Variants in PNPT1 observed in about 807,000 individuals in gnomAD.
PNPT1 encodes the protein polyribonucleotide nucleotidyltransferase 1, mitochondrial.
In PNPT1, 53 loss-of-function variants were observed where a neutral mutation model predicts 119.5. The ratio of observed to expected loss-of-function variants is 0.44; its 90% CI spans 0.36 to 0.56. The LOEUF (loss-of-function observed/expected upper bound fraction) is 0.56, where lower values mean the gene tolerates loss of function less well. Among genes scored for constraint, PNPT1 ranks in the 20% least tolerant of loss-of-function variants. The pLI is 0.00. For missense variants in PNPT1, 948 were observed against 938.5 expected, an observed-to-expected ratio of 1.01 and a Z score of -0.13; for synonymous variants, 357 against 322.1, an observed-to-expected ratio of 1.11 and a Z score of -1.16.
chr2:55,644,610 A>C, intron 23 of PNPT1, 27 bp downstream of exon 23: 1 of 1,542,596 alleles, frequency 6.5e-7, no homozygotes, highest in Non-Finnish European at 8.9e-7. Context: ...TTTAATTAAA[A>C]AACCCCAAAC....
chr2:55,646,806 T>TTAC (rs1313919836), intron 19 of PNPT1, among the ~76,000 whole-genome samples: 1 of 152,180 alleles, frequency 6.6e-6, no homozygotes, highest in Non-Finnish European at 1.5e-5. Context: ...AGGGTAAGTA[T>TTAC]TACTATTTTT....
rs768510266 is a variant in PNPT1 at position 55,686,435 on chromosome 2, T to C, written c.232A>G (p.Thr78Ala). 36 of 1,613,178 alleles carry C rather than the reference T, an allele frequency of 2.2e-5. No homozygotes were observed. The South Asian group carries it at 3.2e-4, about 14-fold the overall frequency. ...CTGACCGCTGTGACCATTACTGCAG[T>C]GTCACCTGACTTAAACATAAAGAAC... ...DGSAVVQSGD[T>A]AVMVTAVSKT... The change falls in exon 3 of 28, where the codon ACT becomes GCT. Residue 78 changes from threonine (T) to alanine (A), a missense_variant. Transcript: ENST00000447944.
chr2:55,649,818 C>A (rs1229102527), intron 18 of PNPT1, among the ~76,000 whole-genome samples: 1 of 152,178 alleles, frequency 6.6e-6, no homozygotes, highest in Non-Finnish European at 1.5e-5. Flanking sequence ...TTATTAAAGT[C>A]TATTTAATCC....
In PNPT1 at chr2:55,643,516, G is replaced by T. The variant is rs551154906; in HGVS notation, c.1907-91C>A. The T allele has an allele frequency of 1.6e-5, 18 of 1,109,810 alleles. No homozygotes were observed. In the East Asian group the frequency reaches 3.9e-4, roughly 24 times the overall value. 68.7% of individuals were successfully genotyped at this position (1,109,810 alleles called of 1,614,324 possible). ...TCCCAGCACTCTGGGGGGCTGAGGT[G>T]GGAGGATCACTTGAGCTCAGGAGTT... On this transcript the variant is annotated intron_variant, in intron 23 of 27. Coordinates refer to ENST00000447944, the MANE Select transcript of PNPT1 (RefSeq NM_033109.5).
intron 13 of PNPT1, among the ~76,000 whole-genome samples, chr2:55,663,097 T>G (rs1271672012): frequency 2.6e-5 from 4 of 151,910 alleles, no homozygotes; most frequent in Non-Finnish European, 5.9e-5. Context: ...TGTTAGCCAG[T>G]ATGGTCTCGA....
intron 1 of PNPT1, among the ~76,000 whole-genome samples, chr2:55,692,013 G>A (rs1697635102): frequency 6.7e-6 from 1 of 150,240 alleles, no homozygotes; most frequent in Non-Finnish European, 1.5e-5. Context: ...AGCCTCCCAG[G>A]TAAATGGAAT....
chr2:55,638,692 G>A (rs987929628), intron 26 of PNPT1, among the ~76,000 whole-genome samples: 1 of 152,048 alleles, frequency 6.6e-6, no homozygotes, highest in Non-Finnish European at 1.5e-5. Flanking sequence ...ACATTCCAAT[G>A]AGTATCCCTT....
At chr2:55,676,394 T>C (rs1358879342) in intron 8 of PNPT1, among the ~76,000 whole-genome samples, 1 of 152,144 alleles carries the variant, frequency 6.6e-6, no homozygotes, top group Non-Finnish European at 1.5e-5. Flanking sequence ...AACATGTTAC[T>C]GGTATACTTT....
At chr2:55,683,286 C>G (rs966258639) in intron 5 of PNPT1, among the ~76,000 whole-genome samples, 9 of 152,132 alleles carry the variant, frequency 5.9e-5, no homozygotes, top group Non-Finnish European at 1.3e-4. Context: ...GGTGTCAACT[C>G]AAACAGACAC....
At chr2:55,659,399 CT>C (rs547173739) in intron 15 of PNPT1, among the ~76,000 whole-genome samples, 33 of 152,296 alleles carry the variant, frequency 2.2e-4, no homozygotes, top group Middle Eastern at 3.4e-3. Context: ...AACGTCTCAT[CT>C]TTTACTACTA....
chr2:55,679,534 G>C, intron 8 of PNPT1, 148 bp downstream of exon 8: 1 of 560,614 alleles, frequency 1.8e-6, no homozygotes. Flanking sequence ...TTGATATGAA[G>C]CAAGAGCACA....
intron 4 of PNPT1, among the ~76,000 whole-genome samples, chr2:55,684,398 A>C (rs879668052): frequency 6.6e-6 from 1 of 152,198 alleles, no homozygotes; most frequent in Non-Finnish European, 1.5e-5. Flanking sequence ...CGGGAGGTAG[A>C]GGTTGCAGTG....
rs774947439 is a variant in PNPT1 at position 55,656,391 on chromosome 2, A to C, written c.1285-20T>G. 1.1e-5 allele frequency: 17 copies of C among 1,565,850 alleles called. No homozygotes were observed. In the African/African-American group the frequency reaches 2.2e-4, roughly 20 times the overall value. ...AGGAAACTTAAAAAAAAAAAAACAC[A>C]AACACACATATACAATTGACATAGA... On this transcript the variant is annotated intron_variant, in intron 15 of 27. Coordinates refer to ENST00000447944, the MANE Select transcript of PNPT1 (RefSeq NM_033109.5).
chr2:55,681,867 C>T (rs913229451), intron 5 of PNPT1, among the ~76,000 whole-genome samples: 46 of 139,872 alleles, frequency 3.3e-4, no homozygotes, highest in African/African-American at 1.2e-3. Flanking sequence ...AAAGGCTGGG[C>T]GCGGTGGCTC....
rs1037361593 is a variant in PNPT1, at chr2:55,672,782, G to C, written c.866+111C>G. 51 of 1,013,400 alleles carry C rather than the reference G, an allele frequency of 5.0e-5. No homozygotes were observed. In the Middle Eastern group the frequency reaches 1.3e-3, roughly 26 times the overall value. 62.8% of individuals were successfully genotyped at this position (1,013,400 alleles called of 1,614,324 possible). A position where few individuals can be genotyped will look rare whatever the true frequency, so the allele number is the denominator to read the frequency against. On this transcript the variant is annotated intron_variant, in intron 9 of 27. Coordinates refer to ENST00000447944, the MANE Select transcript of PNPT1 (RefSeq NM_033109.5). Reference sequence around the variant, plus strand: ...TGGGAATGACTCTTAAAACAGAAAAGTGCTATTTATGAAGTAATGCATGGG... The same window carrying C: ...TGGGAATGACTCTTAAAACAGAAAACTGCTATTTATGAAGTAATGCATGGG...
intron 15 of PNPT1, among the ~76,000 whole-genome samples, chr2:55,659,953 A>G (rs1459196080): frequency 6.6e-6 from 1 of 152,036 alleles, no homozygotes; most frequent in East Asian, 1.9e-4. Flanking sequence ...AAAATAGAAA[A>G]ATTAGCCAAT....
chr2:55,692,415 T>C (rs1559117142), intron 1 of PNPT1, among the ~76,000 whole-genome samples: 1 of 152,208 alleles, frequency 6.6e-6, no homozygotes, highest in Non-Finnish European at 1.5e-5. Context: ...GCTTTTTGTA[T>C]GAACTGGGGT....
At chr2:55,677,888 G>A (rs942933587) in intron 8 of PNPT1, among the ~76,000 whole-genome samples, 35 of 151,830 alleles carry the variant, frequency 2.3e-4, no homozygotes, top group African/African-American at 8.2e-4. Context: ...ACAGGCGCCC[G>A]CCAACACGCC....
intron 15 of PNPT1, 62 bp downstream of exon 15, chr2:55,660,095 C>A: frequency 4.1e-6 from 6 of 1,468,824 alleles, no homozygotes; most frequent in Non-Finnish European, 4.6e-6. Context: ...CAGGGTGAGA[C>A]CTCGTCTCAC....
Sources: allele counts gnomAD v4.1 joint callset (sites outside exome capture counted in the v4.1 genomes callset), GRCh38; gene constraint gnomAD v4.1.1; transcripts MANE v1.5; gene names NCBI Gene and HGNC (gene_info 2026-07-23, HGNC 2026-07-21).